ARID1B: variants seen among roughly 807,000 people sequenced by gnomAD.
ARID1B encodes AT-rich interaction domain 1B.
ARID1B carries 30 observed loss-of-function variants against 212.3 expected under a neutral mutation model. That is an observed-to-expected ratio of 0.14 (90% CI 0.11 to 0.19). The LOEUF (loss-of-function observed/expected upper bound fraction) is 0.19. Among genes scored for constraint, ARID1B ranks in the 10% least tolerant of loss-of-function variants. ARID1B has a pLI of 1.00. For synonymous variants in ARID1B, 1,402 were observed against 1,301.7 expected (o/e 1.08, Z -1.66); for missense variants, 2,891 against 3,204.0 (o/e 0.90, Z 2.36).
In ARID1B at chr6:156,778,429, C is replaced by A. The variant is rs1207056012; in HGVS notation, c.749C>A (p.Ala250Glu). 9 of 1,487,066 alleles carry A rather than the reference C, an allele frequency of 6.1e-6. No homozygotes were observed. The highest frequency in any genetic ancestry group is 8.9e-7 in the Non-Finnish European group (1 of 1,123,358). The allele number at this position is 1,487,066 out of a possible 1,614,324, so 92.1% of individuals were successfully genotyped here. The change falls in exon 1 of 20, where the codon GCG (alanine) becomes GAG (glutamate). Residue 250 changes from alanine (A) to glutamate (E), a missense_variant. This residue lies in a region of ARID1B where 1,643 missense variants were observed against 1,544.0 expected (regional missense o/e 1.06). Coordinates refer to ENST00000636930, the MANE Select transcript of ARID1B (RefSeq NM_001374828.1). ...CATGGAGGCGCCAAGGACAGTGCTG[C>A]GGGCGGCCAGGCCGACCCCCCGGGC... ...PQHGGAKDSAAGGQADPPGPP... is the reference protein window; with the variant it reads ...PQHGGAKDSAEGGQADPPGPP...
intron 2 of ARID1B, among the ~76,000 whole-genome samples, chr6:156,882,773 TGTC>T (rs569624675): frequency 2.0e-3 from 309 of 152,350 alleles, no homozygotes; most frequent in African/African-American, 6.8e-3. Context: ...GTCTTGCTAT[TGTC>T]GTGAGTGCTA....
chr6:157,095,902 T>C (rs555075644), intron 5 of ARID1B, among the ~76,000 whole-genome samples: 32 of 152,310 alleles, frequency 2.1e-4, no homozygotes, highest in African/African-American at 6.5e-4. Flanking sequence ...GGATATATTT[T>C]TGCTGCTTGT....
chr6:156,996,839 T>G (rs991005688), intron 4 of ARID1B, among the ~76,000 whole-genome samples: 7 of 152,250 alleles, frequency 4.6e-5, no homozygotes, highest in African/African-American at 1.7e-4. Context: ...GCCTGACTGA[T>G]TGAATGTTTT....
At chr6:156,829,812 CTT>C (rs1783018359) in intron 2 of ARID1B, 1 of 156,202 alleles carries the variant, frequency 6.4e-6, no homozygotes, top group African/African-American at 2.4e-5. Context: ...ATTTAAAGGT[CTT>C]TTCCATGAGG....
intron 3 of ARID1B, among the ~76,000 whole-genome samples, chr6:156,928,995 T>C (rs190541130): frequency 9.8e-5 from 15 of 152,350 alleles, no homozygotes; most frequent in Non-Finnish European, 1.6e-4. Context: ...CTTCCAGTTG[T>C]CTCTAGTGTA....
rs528495328 is a variant in ARID1B, at chr6:157,127,597, C to T, written c.2582-5431C>T. On this transcript the variant is annotated intron_variant, in intron 6 of 19. Transcript: ENST00000636930. ...CCATCCTGGCTAATATGGTGAAACCCGGTCTCTACTAAAAATACAAAAAAA... is the reference window on the plus strand; with the variant it reads ...CCATCCTGGCTAATATGGTGAAACCTGGTCTCTACTAAAAATACAAAAAAA... Among the ~76,000 whole-genome samples, 5 of 151,488 alleles carry T rather than the reference C, an allele frequency of 3.3e-5. No homozygotes were observed. The East Asian group carries it at 5.8e-4, about 18-fold the overall frequency.
chr6:157,021,314 G>A (rs368841053), intron 4 of ARID1B, among the ~76,000 whole-genome samples: 1 of 152,226 alleles, frequency 6.6e-6, no homozygotes, highest in Non-Finnish European at 1.5e-5. Context: ...TCCGAAGGGA[G>A]AACCAGTGAT....
At chr6:156,836,831 A>G (rs1783545096) in intron 2 of ARID1B, among the ~76,000 whole-genome samples, 1 of 151,906 alleles carries the variant, frequency 6.6e-6, no homozygotes, top group South Asian at 2.1e-4. Context: ...CACCCAGCTA[A>G]TTTTTAATAT....
At chr6:157,081,504 AATAATT>A (rs1784629862) in intron 4 of ARID1B, among the ~76,000 whole-genome samples, 1 of 152,214 alleles carries the variant, frequency 6.6e-6, no homozygotes, top group Admixed American at 6.5e-5. Flanking sequence ...ACAGTAATAT[AATAATT>A]ATATCTTTTT....
At chr6:156,894,303 G>GGCCGGGGGGGTTGGGATGGGA (rs1788211435) in intron 2 of ARID1B, among the ~76,000 whole-genome samples, 1 of 146,980 alleles carries the variant, frequency 6.8e-6, no homozygotes, top group Non-Finnish European at 1.5e-5. Context: ...TTGGGATGGG[G>GGCCGGGGGGGTTGGGATGGGA]GCCGGGGGTT....
chr6:156,966,379 TTCTTTTC>T (rs1309152018), intron 4 of ARID1B, among the ~76,000 whole-genome samples: 11 of 98,496 alleles, frequency 1.1e-4, no homozygotes, highest in African/African-American at 4.1e-4. Context: ...AACTTTTCTT[TTCTTTTC>T]TTTTTTTTTT....
chr6:157,099,874 C>CG (rs778253644), intron 5 of ARID1B, among the ~76,000 whole-genome samples: 48 of 152,252 alleles, frequency 3.2e-4, no homozygotes, highest in Admixed American at 1.0e-3. Flanking sequence ...CTCTCAAGTT[C>CG]GGGAATTGGA....
chr6:156,796,106 T>C (rs1343996109), intron 1 of ARID1B, among the ~76,000 whole-genome samples: 1 of 152,194 alleles, frequency 6.6e-6, no homozygotes, highest in East Asian at 1.9e-4. Context: ...GCTGAGACTG[T>C]TTCCAAGTGG....
At chr6:157,054,874 G>T (rs922465025) in intron 4 of ARID1B, among the ~76,000 whole-genome samples, 2 of 152,216 alleles carry the variant, frequency 1.3e-5, no homozygotes, top group Non-Finnish European at 2.9e-5. Flanking sequence ...TGTCTCAGCC[G>T]TACCTCATTC....
chr6:156,873,048 T>C lies in ARID1B; in HGVS notation c.1987-28328T>C, dbSNP rs529464611. Among the ~76,000 whole-genome samples the C allele has an allele frequency of 3.4e-4, 52 of 152,298 alleles. No homozygotes were observed. The South Asian group carries it at 9.7e-3, about 29-fold the overall frequency. ...GTCGGACAGCGAGGCAGTGACCACC[T>C]GAACAGGCCATTTCATGTTTCTTTC... On this transcript the variant is annotated intron_variant, in intron 2 of 19. Transcript: ENST00000636930.
At chr6:156,814,046 A>G (rs112992067) in intron 1 of ARID1B, among the ~76,000 whole-genome samples, 2 of 152,208 alleles carry the variant, frequency 1.3e-5, no homozygotes, top group African/African-American at 4.8e-5. Context: ...ACAAGATAAT[A>G]GAGTAAATTT....
At chr6:156,951,322 C>A (rs1689168659) in intron 4 of ARID1B, among the ~76,000 whole-genome samples, 1 of 152,168 alleles carries the variant, frequency 6.6e-6, no homozygotes, top group Admixed American at 6.5e-5. Flanking sequence ...GCAAACAAAC[C>A]ATGATAATGC....
chr6:157,130,712 A>C (rs1788486776), intron 6 of ARID1B, among the ~76,000 whole-genome samples: 1 of 152,162 alleles, frequency 6.6e-6, no homozygotes, highest in Non-Finnish European at 1.5e-5. Context: ...TGTAAATACA[A>C]TATGCCATTT....
At chr6:157,082,130 A>G (rs901887588) in intron 4 of ARID1B, among the ~76,000 whole-genome samples, 27 of 152,082 alleles carry the variant, frequency 1.8e-4, no homozygotes, top group Non-Finnish European at 3.7e-4. Flanking sequence ...TTTCAGGGGG[A>G]TGTAGTAACG....
Sources: allele counts gnomAD v4.1 joint callset (sites outside exome capture counted in the v4.1 genomes callset), GRCh38; gene constraint gnomAD v4.1.1; regional missense constraint gnomAD v4.1.1; transcripts MANE v1.5; gene names NCBI Gene and HGNC (gene_info 2026-07-23, HGNC 2026-07-21).